HSD17B6: variants seen among roughly 807,000 people sequenced by gnomAD.
The protein encoded by HSD17B6 is 17-beta-hydroxysteroid dehydrogenase type 6.
Under a neutral mutation model 26.4 loss-of-function variants are expected in HSD17B6, and 16 were observed. The observed-to-expected ratio is 0.61, with a 90% CI of 0.41 to 0.92. The LOEUF (loss-of-function observed/expected upper bound fraction) is 0.92, where lower values mean the gene tolerates loss of function less well. Among genes scored for constraint, HSD17B6 ranks in the 40% least tolerant of loss-of-function variants. The probability of loss-of-function intolerance (pLI) is 0.00; values close to 1 mark genes in which losing one functional copy is unlikely to be tolerated. For synonymous variants in HSD17B6, 139 were observed against 153.0 expected, an observed-to-expected ratio of 0.91 and a Z score of 0.68; for missense variants, 357 against 386.1, an observed-to-expected ratio of 0.92 and a Z score of 0.63.
At position 56,784,379 on chromosome 12, in the gene HSD17B6, T is replaced by A. The variant is rs1021929981; in HGVS notation, c.573-474T>A. Reference sequence around the variant, plus strand: ...GAGATCACGCCACTGCACTCCAGCCTGGGCACCATTGAGCACTGAGTGAAC... The same window carrying A: ...GAGATCACGCCACTGCACTCCAGCCAGGGCACCATTGAGCACTGAGTGAAC... On this transcript the variant is annotated intron_variant, in intron 3 of 4. Coordinates refer to ENST00000322165, the MANE Select transcript of HSD17B6 (RefSeq NM_003725.4). 1.1e-4 allele frequency among the ~76,000 whole-genome samples: 16 copies of A among 152,306 alleles called. No individual in the cohort carries two copies. In the East Asian group the frequency reaches 3.1e-3, roughly 29 times the overall value.
chr12:56,774,071 G>A lies in HSD17B6; in HGVS notation c.219G>A (p.Thr73=), dbSNP rs535990842. ...EKGAEQLRGQ[T]SDRLETVTLD... is the part of the protein sequence containing the mutation. ...GGGCCGAGCAGCTGAGGGGCCAGAC[G>A]TCTGACAGGCTGGAGACGGTGACCC... The change falls in exon 2 of 5, where the codon ACG becomes ACA. Residue 73 remains threonine (T), a synonymous_variant. Transcript: ENST00000322165. 37 of 1,614,022 alleles carry A rather than the reference G, an allele frequency of 2.3e-5. No individual in the cohort carries two copies. The Middle Eastern group carries it at 6.6e-4, about 29-fold the overall frequency.
chr12:56,787,423 A>C lies in HSD17B6; in HGVS notation c.*81A>C. On this transcript the variant is annotated 3_prime_UTR_variant, in exon 5 of 5. Coordinates refer to ENST00000322165, the MANE Select transcript of HSD17B6 (RefSeq NM_003725.4). ...TCTCAGTAATCCTGATTTAGAACCC[A>C]GGCTTTTTGTAACAATGTGTTTTCT... The C allele has an allele frequency of 2.3e-6, 2 of 879,872 alleles. No individual in the cohort carries two copies. Among genetic ancestry groups the C allele is most frequent in the Non-Finnish European group, 1.8e-6 (1 of 561,972 alleles). The allele number at this position is 879,872 out of a possible 1,614,324, so 54.5% of individuals were successfully genotyped here. A position where few individuals can be genotyped will look rare whatever the true frequency, so the allele number is the denominator to read the frequency against.
chr12:56,779,739 T>C (rs2137920672), intron 2 of HSD17B6, among the ~76,000 whole-genome samples: 1 of 152,256 alleles, frequency 6.6e-6, no homozygotes, highest in South Asian at 2.1e-4. Context: ...CTGCTGTGTA[T>C]TTCAGTTCTG....
At chr12:56,769,439 C>A (rs1011985397) in intron 1 of HSD17B6, among the ~76,000 whole-genome samples, 1 of 152,046 alleles carries the variant, frequency 6.6e-6, no homozygotes, top group Non-Finnish European at 1.5e-5. Flanking sequence ...TAGCTTCAAG[C>A]AATGATGAAG....
chr12:56,764,917 C>A (rs535613159), intron 1 of HSD17B6, among the ~76,000 whole-genome samples: 1 of 152,212 alleles, frequency 6.6e-6, no homozygotes, highest in South Asian at 2.1e-4. Context: ...CTCTGCCTCC[C>A]AGGTTCAAGC....
intron 3 of HSD17B6, among the ~76,000 whole-genome samples, chr12:56,783,289 G>A (rs1193041195): frequency 2.7e-5 from 4 of 145,932 alleles, no homozygotes; most frequent in Non-Finnish European, 3.1e-5. Context: ...CCTCCCTCCC[G>A]GACGGGGCGG....
Position 56,782,213 on chromosome 12 carries a change from G to A in HSD17B6, c.553G>A (p.Ala185Thr), listed in dbSNP as rs752975801. 1 of 1,613,856 alleles carries A rather than the reference G, an allele frequency of 6.2e-7. No homozygotes were observed. The highest frequency in any genetic ancestry group is 8.5e-7 in the Non-Finnish European group (1 of 1,179,946). The change falls in exon 3 of 5, where the codon GCC (alanine) becomes ACC (threonine). Residue 185 changes from alanine (A) to threonine (T), a missense_variant. Physicochemically the swap from Ala to Thr is moderately conservative, Grantham distance 58 (BLOSUM62 0). Transcript: ENST00000322165. ...CTGTGTCTCCAAGTATGGAGTGGAA[G>A]CCTTTTCAGATATTCTGAGGTAACT... ...GYCVSKYGVE[A>T]FSDILRREIQ...
intron 3 of HSD17B6, 58 bp from the exon 4 acceptor site, chr12:56,784,795 C>A (rs929294147): frequency 2.0e-6 from 3 of 1,534,620 alleles, no homozygotes; most frequent in South Asian, 2.4e-5. Context: ...GCTTTTCCTT[C>A]CTGAAAGCAT....
chr12:56,781,304 A>G (rs533291717), intron 2 of HSD17B6, among the ~76,000 whole-genome samples: 2 of 151,572 alleles, frequency 1.3e-5, no homozygotes, highest in African/African-American at 2.4e-5. Context: ...TATTTGTGCC[A>G]TAGTCTGTAT....
intron 3 of HSD17B6, among the ~76,000 whole-genome samples, chr12:56,782,501 TTA>T (rs1256217489): frequency 6.6e-6 from 1 of 152,140 alleles, no homozygotes. Context: ...TATTTATTTT[TTA>T]TTTTTGAGAC....
rs140325301 is a variant in HSD17B6 at position 56,784,504 on chromosome 12, G to A, written c.573-349G>A. ...GGCCCGGCCAACACAGTGAAACCCC[G>A]TCTCCACCAAAAAAATACGAAAACC... On this transcript the variant is annotated intron_variant, in intron 3 of 4. Transcript: ENST00000322165. Among the ~76,000 whole-genome samples, 217 of 152,322 alleles carry A rather than the reference G, an allele frequency of 1.4e-3. 4 individuals carry two copies. The highest frequency in any genetic ancestry group is 4.8e-3 in the African/African-American group (198 of 41,588).
intron 2 of HSD17B6, among the ~76,000 whole-genome samples, chr12:56,774,619 G>C (rs1253473342): frequency 6.6e-6 from 1 of 152,184 alleles, no homozygotes; most frequent in Non-Finnish European, 1.5e-5. Context: ...CCATGATGTA[G>C]AATCAGTTGG....
At chr12:56,778,430 G>C (rs1454861174) in intron 2 of HSD17B6, among the ~76,000 whole-genome samples, 1 of 152,058 alleles carries the variant, frequency 6.6e-6, no homozygotes, top group Non-Finnish European at 1.5e-5. Context: ...TGGGATTACA[G>C]GCACACACCA....
rs1311638628 is a variant in HSD17B6 at position 56,787,376 on chromosome 12, C to A, written c.*34C>A. On this transcript the variant is annotated 3_prime_UTR_variant, in exon 5 of 5. Coordinates refer to ENST00000322165, the MANE Select transcript of HSD17B6 (RefSeq NM_003725.4). ...GGGTTGGTGCTTCTTGGAATGAAGG[C>A]AAAAATCTGAAATTGTTAGTGTCTC... 2 of 1,430,322 alleles carry A rather than the reference C, an allele frequency of 1.4e-6. No individual in the cohort carries two copies. The highest frequency in any genetic ancestry group is 2.3e-5 in the East Asian group (1 of 43,424). 88.6% of individuals were successfully genotyped at this position (1,430,322 alleles called of 1,614,324 possible).
intron 4 of HSD17B6, among the ~76,000 whole-genome samples, chr12:56,785,381 G>A (rs982712920): frequency 2.6e-5 from 4 of 152,234 alleles, no homozygotes; most frequent in African/African-American, 9.6e-5. Flanking sequence ...TGAGTTGGGT[G>A]GGGACACAAA....
rs1416456345 is a variant in HSD17B6, at chr12:56,784,396, TGAGTGAAC to T, written c.573-453_573-446del. 2.6e-5 allele frequency among the ~76,000 whole-genome samples: 4 copies of T among 152,308 alleles called. No homozygotes were observed. In the East Asian group the frequency reaches 7.7e-4, roughly 29 times the overall value. Reference sequence around the variant, plus strand: ...CTCCAGCCTGGGCACCATTGAGCACTGAGTGAACGAGACTCCGTCTGCAATCCCGGCAC... The same window carrying T: ...CTCCAGCCTGGGCACCATTGAGCACTGAGACTCCGTCTGCAATCCCGGCAC... On this transcript the variant is annotated intron_variant, in intron 3 of 4. Coordinates refer to ENST00000322165, the MANE Select transcript of HSD17B6 (RefSeq NM_003725.4).
At chr12:56,785,150 G>T (rs1158012110) in intron 4 of HSD17B6, 134 bp downstream of exon 4, 2 of 938,070 alleles carry the variant, frequency 2.1e-6, no homozygotes, top group African/African-American at 3.4e-5. Flanking sequence ...CTGCATGGCT[G>T]GGGAGTCCTC....
At position 56,784,841 on chromosome 12, in the gene HSD17B6, G is replaced by A; in HGVS notation, c.573-12G>A. The stretch of plus-strand genomic sequence containing the variant: ...GTGGTCTTTAATCATAACTTGTGGG[G>A]TTTTATTTCAGGCGTGAGATTCAAC... On this transcript the variant is annotated splice_polypyrimidine_tract_variant and intron_variant, in intron 3 of 4. Transcript: ENST00000322165. 2 of 1,611,406 alleles carry A rather than the reference G, an allele frequency of 1.2e-6. No individual in the cohort carries two copies. The highest frequency in any genetic ancestry group is 1.7e-6 in the Non-Finnish European group (2 of 1,179,298).
intron 4 of HSD17B6, among the ~76,000 whole-genome samples, chr12:56,785,493 C>T (rs1264436595): frequency 2.0e-5 from 3 of 152,286 alleles, no homozygotes; most frequent in East Asian, 3.9e-4. Flanking sequence ...TAAAGCATTC[C>T]CAGAACAGAA....
Sources: gnomAD v4.1 joint callset for allele counts (sites outside exome capture counted in the v4.1 genomes callset) on GRCh38, gnomAD v4.1.1 for gene constraint, MANE v1.5 for transcripts, NCBI Gene and HGNC (gene_info 2026-07-23, HGNC 2026-07-21) for gene names.